IRAK3: variants seen among roughly 807,000 people sequenced by gnomAD.
IRAK3 encodes the protein interleukin-1 receptor-associated kinase 3.
Under a neutral mutation model 56.6 loss-of-function variants are expected in IRAK3, and 57 were observed. That is an observed-to-expected ratio of 1.01 (90% CI 0.81 to 1.26). The LOEUF (loss-of-function observed/expected upper bound fraction) is 1.26, where lower values mean the gene tolerates loss of function less well. Ranked by LOEUF, IRAK3 falls within the 50% of genes most tolerant of loss-of-function variation. The pLI is 0.00. For missense variants in IRAK3, 703 were observed against 719.0 expected, an observed-to-expected ratio of 0.98 and a Z score of 0.25; for synonymous variants, 258 against 255.7, an observed-to-expected ratio of 1.01 and a Z score of -0.09.
rs571945237 is a variant in IRAK3, at chr12:66,252,310, T to G, written c.*4139T>G. 3.4e-4 allele frequency: 52 copies of G among 152,316 alleles called. No homozygotes were observed. Among genetic ancestry groups the G allele is most frequent in the African/African-American group, 1.2e-3 (50 of 41,578 alleles). The allele number at this position is 152,316 out of a possible 1,614,324, so 9.4% of individuals were successfully genotyped here. On this transcript the variant is annotated 3_prime_UTR_variant, in exon 12 of 12. Coordinates refer to ENST00000261233, the MANE Select transcript of IRAK3 (RefSeq NM_007199.3). ...GGAGGAGCCAGGATTTGAACTCACA[T>G]TTGTCTGACTTCAAAATCCATGCTT...
At chr12:66,208,051 G>C (rs2052573826) in intron 2 of IRAK3, among the ~76,000 whole-genome samples, 1 of 152,140 alleles carries the variant, frequency 6.6e-6, no homozygotes, top group Admixed American at 6.5e-5. Flanking sequence ...GGTTTATAGT[G>C]TTATCAAGGA....
At chr12:66,217,583 A>C (rs2052689778) in intron 6 of IRAK3, among the ~76,000 whole-genome samples, 1 of 152,216 alleles carries the variant, frequency 6.6e-6, no homozygotes, top group Admixed American at 6.5e-5. Context: ...AAGCTGTTTC[A>C]TCAGTATAAC....
At position 66,253,320 on chromosome 12, in the gene IRAK3, G is replaced by T. The variant is rs2136959839; in HGVS notation, c.*5149G>T. On this transcript the variant is annotated 3_prime_UTR_variant, in exon 12 of 12. Coordinates refer to ENST00000261233, the MANE Select transcript of IRAK3 (RefSeq NM_007199.3). Reference sequence around the variant, plus strand: ...AAGAAGATTAGTCGTTGTATGTGTTGCTTATAAATTTTCTCTATGGTGGAA... The same window carrying T: ...AAGAAGATTAGTCGTTGTATGTGTTTCTTATAAATTTTCTCTATGGTGGAA... 6.6e-6 allele frequency: 1 copy of T among 152,256 alleles called. No individual in the cohort carries two copies. The highest frequency in any genetic ancestry group is 2.1e-4 in the South Asian group (1 of 4,826). 9.4% of individuals were successfully genotyped at this position (152,256 alleles called of 1,614,324 possible).
In IRAK3 at chr12:66,248,039, C is replaced by T; in HGVS notation, c.1659C>T (p.Asp553=). Residue 553 remains aspartate (D), a synonymous_variant, in exon 12 of 12, where the codon GAC becomes GAT. Coordinates refer to ENST00000261233, the MANE Select transcript of IRAK3 (RefSeq NM_007199.3). ...CAAAGTATATAGTTCCATCCCAGGA[C>T]TTAAGGCCCTATAAGGTAAATATAG... The part of the protein sequence containing the change: ...WFPKYIVPSQ[D]LRPYKVNIDP... The T allele has an allele frequency of 1.3e-6, 2 of 1,586,492 alleles. No homozygotes were observed. Among genetic ancestry groups the T allele is most frequent in the Non-Finnish European group, 1.7e-6 (2 of 1,168,936 alleles).
chr12:66,198,665 T>A (rs2052478083), intron 1 of IRAK3, among the ~76,000 whole-genome samples: 1 of 151,928 alleles, frequency 6.6e-6, no homozygotes, highest in Admixed American at 6.6e-5. Flanking sequence ...GTCTATTATT[T>A]AAATATTCAT....
At chr12:66,191,599 G>A (rs753040211) in intron 1 of IRAK3, among the ~76,000 whole-genome samples, 2 of 152,198 alleles carry the variant, frequency 1.3e-5, no homozygotes, top group African/African-American at 4.8e-5. Flanking sequence ...TACTGAGCTG[G>A]CCCTGACCAG....
intron 6 of IRAK3, among the ~76,000 whole-genome samples, chr12:66,223,486 C>T (rs138641434): frequency 6.6e-6 from 1 of 151,328 alleles, no homozygotes; most frequent in African/African-American, 2.4e-5. Flanking sequence ...TGTGAAACCC[C>T]GTCTCTACTA....
In IRAK3 at chr12:66,217,165, A is replaced by T; in HGVS notation, c.589-6A>T. On this transcript the variant is annotated splice_polypyrimidine_tract_variant and splice_region_variant and intron_variant, in intron 5 of 11. Coordinates refer to ENST00000261233, the MANE Select transcript of IRAK3 (RefSeq NM_007199.3). ...TAATTTTGTTCTTGTCTTTCTGTAT[A>T]TGTAGGAGAAAAAAATGCAGTGTAA... is the stretch of plus-strand genomic sequence containing the variant. 1.9e-6 allele frequency: 3 copies of T among 1,595,970 alleles called. No individual in the cohort carries two copies. The highest frequency in any genetic ancestry group is 2.6e-6 in the Non-Finnish European group (3 of 1,163,556).
intron 6 of IRAK3, among the ~76,000 whole-genome samples, chr12:66,224,264 A>T (rs1209746702): frequency 6.6e-6 from 1 of 152,182 alleles, no homozygotes; most frequent in African/African-American, 2.4e-5. Context: ...TTTCTATAAG[A>T]TCCAAGTTAT....
At chr12:66,233,391 G>C (rs967588135) in intron 8 of IRAK3, among the ~76,000 whole-genome samples, 2 of 151,922 alleles carry the variant, frequency 1.3e-5, no homozygotes, top group African/African-American at 4.8e-5. Flanking sequence ...AGTGGCGGGC[G>C]CCTGTAGTCC....
At chr12:66,201,757 T>C (rs1057096167) in intron 1 of IRAK3, among the ~76,000 whole-genome samples, 1 of 152,202 alleles carries the variant, frequency 6.6e-6, no homozygotes, top group Non-Finnish European at 1.5e-5. Context: ...TAGTAAAACA[T>C]TTCCCTGATT....
At chr12:66,194,404 C>G (rs2052429670) in intron 1 of IRAK3, among the ~76,000 whole-genome samples, 1 of 152,198 alleles carries the variant, frequency 6.6e-6, no homozygotes, top group Non-Finnish European at 1.5e-5. Flanking sequence ...TCCCACCGCT[C>G]CATTGAAAGT....
intron 2 of IRAK3, 141 bp downstream of exon 2, chr12:66,204,034 A>G: frequency 1.4e-6 from 1 of 715,580 alleles, no homozygotes; most frequent in South Asian, 1.7e-5. Context: ...TCTGGAAGGG[A>G]CTTTCCAGCT....
intron 7 of IRAK3, among the ~76,000 whole-genome samples, chr12:66,227,995 T>G (rs1381051087): frequency 6.6e-6 from 1 of 152,236 alleles, no homozygotes; most frequent in Admixed American, 6.5e-5. Flanking sequence ...GTTACCTTAC[T>G]AGCTATGTTT....
At chr12:66,238,628 T>C (rs1206912968) in intron 8 of IRAK3, among the ~76,000 whole-genome samples, 1 of 152,170 alleles carries the variant, frequency 6.6e-6, no homozygotes, top group Non-Finnish European at 1.5e-5. Flanking sequence ...ATTGGACTCC[T>C]GGCAGAAGCA....
chr12:66,207,173 A>G (rs1291785516), intron 2 of IRAK3, among the ~76,000 whole-genome samples: 1 of 152,132 alleles, frequency 6.6e-6, no homozygotes, highest in African/African-American at 2.4e-5. Context: ...TTTCTTTTTA[A>G]AAAATCTTCT....
chr12:66,230,816 CAT>C (rs1459622003), intron 8 of IRAK3, among the ~76,000 whole-genome samples: 3 of 152,246 alleles, frequency 2.0e-5, no homozygotes, highest in East Asian at 1.9e-4. Context: ...TTCTTTTTCA[CAT>C]GTTTGCTCCC....
intron 8 of IRAK3, chr12:66,235,383 GC>G: frequency 1.0e-6 from 1 of 1,004,176 alleles, no homozygotes; most frequent in Non-Finnish European, 1.2e-6. Context: ...GGCCGGCCGG[GC>G]CCCGGGCCGA....
chr12:66,191,127 G>C (rs894394419), intron 1 of IRAK3, among the ~76,000 whole-genome samples: 2 of 152,208 alleles, frequency 1.3e-5, no homozygotes, highest in African/African-American at 4.8e-5. Flanking sequence ...GGAGAAGAAG[G>C]CTTCAGCTGT....
Sources: gnomAD v4.1 joint callset for allele counts (sites outside exome capture counted in the v4.1 genomes callset) on GRCh38, gnomAD v4.1.1 for gene constraint, MANE v1.5 for transcripts, NCBI Gene and HGNC (gene_info 2026-07-23, HGNC 2026-07-21) for gene names.